The following SLC41A2 variants were observed in gnomAD, a reference collection of about 807,000 sequenced individuals.
SLC41A2 encodes the protein solute carrier family 41 member 2.
Under a neutral mutation model 58.3 loss-of-function variants are expected in SLC41A2, and 32 were observed. That is an observed-to-expected ratio of 0.55 (90% confidence interval 0.41 to 0.74). SLC41A2 has a LOEUF of 0.74. Ranked by LOEUF, SLC41A2 falls within the 30% of genes least tolerant of loss-of-function variation. The pLI is 0.00. For missense variants in SLC41A2, 514 were observed against 680.6 expected (o/e 0.76, Z 2.72); for synonymous variants, 190 against 235.0 (o/e 0.81, Z 1.75).
chr12:104,942,948 T>C (rs1016151300), intron 1 of SLC41A2, among the ~76,000 whole-genome samples: 1 of 152,198 alleles, frequency 6.6e-6, no homozygotes, highest in African/African-American at 2.4e-5. Context: ...TGAGTAGAAA[T>C]TGTTATTCAG....
intron 8 of SLC41A2, among the ~76,000 whole-genome samples, chr12:104,857,030 A>C (rs2043044141): frequency 6.6e-6 from 1 of 152,102 alleles, no homozygotes; most frequent in Non-Finnish European, 1.5e-5. Flanking sequence ...TAATAACAAT[A>C]TATTACAGGA....
Position 104,804,965 on chromosome 12 carries a change from A to G in SLC41A2, c.*187T>C. The G allele has an allele frequency of 2.0e-6, 1 of 511,164 alleles. No individual in the cohort carries two copies. Among genetic ancestry groups the G allele is most frequent in the Non-Finnish European group, 3.5e-6 (1 of 287,420 alleles). The allele number at this position is 511,164 out of a possible 1,614,324, so 31.7% of individuals were successfully genotyped here. A position where few individuals can be genotyped will look rare whatever the true frequency, so the allele number is the denominator to read the frequency against. The stretch of plus-strand genomic sequence containing the variant: ...ATTTATTCTATGAAAAGCAGCACGA[A>G]TACTCTTCATTCTGGTTTTGACACA... On this transcript the variant is annotated 3_prime_UTR_variant, in exon 11 of 11. Coordinates refer to ENST00000258538, the MANE Select transcript of SLC41A2 (RefSeq NM_001352171.3).
chr12:104,944,237 A>G (rs2047623880), intron 1 of SLC41A2, among the ~76,000 whole-genome samples: 1 of 152,172 alleles, frequency 6.6e-6, no homozygotes, highest in Admixed American at 6.5e-5. Flanking sequence ...TCTGCCATGA[A>G]CTGGTGGCAC....
chr12:104,923,467 A>C (rs1354043567), intron 2 of SLC41A2, among the ~76,000 whole-genome samples: 4 of 152,016 alleles, frequency 2.6e-5, no homozygotes, highest in African/African-American at 9.6e-5. Flanking sequence ...GTAGAAGAAA[A>C]GAAATTAAAT....
intron 10 of SLC41A2, among the ~76,000 whole-genome samples, chr12:104,843,681 C>A (rs1032733222): frequency 3.4e-4 from 52 of 151,996 alleles, no homozygotes; most frequent in Admixed American, 2.3e-3. Flanking sequence ...TAAGCAAACA[C>A]AAAAATAGAA....
chr12:104,844,446 AG>A, intron 10 of SLC41A2, 25 bp downstream of exon 10: 1 of 1,369,930 alleles, frequency 7.3e-7, no homozygotes, highest in Non-Finnish European at 9.6e-7. Context: ...AGCATAAAAG[AG>A]ATTTCAAGAA....
intron 8 of SLC41A2, among the ~76,000 whole-genome samples, chr12:104,849,232 ACAT>A: frequency 6.6e-6 from 1 of 152,262 alleles, no homozygotes; most frequent in Non-Finnish European, 1.5e-5. Flanking sequence ...TCATCAAAAG[ACAT>A]CATGGAGAAA....
chr12:104,909,509 G>A (rs1482865996), intron 3 of SLC41A2, 146 bp downstream of exon 3: 3 of 574,632 alleles, frequency 5.2e-6, no homozygotes, highest in Non-Finnish European at 9.1e-6. Flanking sequence ...CAATATTTCA[G>A]AATATGATAT....
intron 2 of SLC41A2, among the ~76,000 whole-genome samples, chr12:104,926,978 A>G (rs1429950460): frequency 6.6e-6 from 1 of 152,102 alleles, no homozygotes; most frequent in East Asian, 1.9e-4. Flanking sequence ...CAGCCACTCA[A>G]GAGGCTGAGG....
rs1565842745 is a variant in SLC41A2, at chr12:104,853,926, T to TTTTTTATTTTTA, written c.1255+7364_1255+7365insTAAAAATAAAAA. Among the ~76,000 whole-genome samples the TTTTTTATTTTTA allele has an allele frequency of 2.7e-3, 316 of 118,928 alleles. 6 individuals are homozygous for TTTTTTATTTTTA. Among genetic ancestry groups the TTTTTTATTTTTA allele is most frequent in the African/African-American group, 9.3e-3 (302 of 32,576 alleles). The allele number at this position is 118,928 out of a possible 152,430, so 78.0% of individuals were successfully genotyped here. ...TGCCTGGCTGATTTTTTTTTTTTTTTTTTTTTTTTTTTTAGTAGAACTGAG... is the reference window on the plus strand; with the variant it reads ...TGCCTGGCTGATTTTTTTTTTTTTTTTTTTTATTTTTATTTTTTTTTTTTTAGTAGAACTGAG... On this transcript the variant is annotated intron_variant, in intron 8 of 10. Transcript: ENST00000258538.
chr12:104,820,331 T>C (rs893213454), intron 10 of SLC41A2, among the ~76,000 whole-genome samples: 2 of 152,198 alleles, frequency 1.3e-5, no homozygotes, highest in Admixed American at 6.5e-5. Flanking sequence ...GGCATGGCGG[T>C]GCACACCTGT....
At chr12:104,921,315 T>G (rs1004332599) in intron 2 of SLC41A2, among the ~76,000 whole-genome samples, 1 of 151,862 alleles carries the variant, frequency 6.6e-6, no homozygotes, top group African/African-American at 2.4e-5. Flanking sequence ...CAAATAAGAC[T>G]ACCCCAAGGC....
chr12:104,817,090 G>A (rs116414471), intron 10 of SLC41A2, among the ~76,000 whole-genome samples: 2,193 of 152,326 alleles, frequency 0.014, 49 homozygotes, highest in African/African-American at 0.049. Flanking sequence ...ATATGGTACA[G>A]CCTGTTGTTC....
At chr12:104,872,052 G>A (rs1478533880) in intron 6 of SLC41A2, among the ~76,000 whole-genome samples, 1 of 151,936 alleles carries the variant, frequency 6.6e-6, no homozygotes, top group Non-Finnish European at 1.5e-5. Context: ...ATGGGAAGAA[G>A]AGGATGAACT....
chr12:104,878,907 G>T (rs890129317), intron 6 of SLC41A2, among the ~76,000 whole-genome samples: 2 of 152,168 alleles, frequency 1.3e-5, no homozygotes, highest in Non-Finnish European at 2.9e-5. Flanking sequence ...CACAATGGTT[G>T]AACTAGTTTA....
At chr12:104,879,068 G>C (rs919830029) in intron 6 of SLC41A2, among the ~76,000 whole-genome samples, 8 of 152,232 alleles carry the variant, frequency 5.3e-5, no homozygotes, top group African/African-American at 1.2e-4. Flanking sequence ...GGCCAGTGAT[G>C]ATGAGCATTT....
At chr12:104,916,868 A>C (rs2135816459) in intron 2 of SLC41A2, among the ~76,000 whole-genome samples, 1 of 151,790 alleles carries the variant, frequency 6.6e-6, no homozygotes, top group South Asian at 2.1e-4. Flanking sequence ...AACCATAAAA[A>C]CCCTAGAAGA....
intron 1 of SLC41A2, among the ~76,000 whole-genome samples, chr12:104,928,927 T>C (rs533801877): frequency 7.2e-5 from 11 of 152,322 alleles, no homozygotes; most frequent in African/African-American, 2.6e-4. Flanking sequence ...TAAAAGTATT[T>C]CTTATCTTTG....
chr12:104,805,186 A>G lies in SLC41A2; in HGVS notation c.1688T>C (p.Leu563Pro). The stretch of plus-strand genomic sequence containing the variant: ...AACATCTCCATCTCGATCTCCAATA[A>G]GCCAAAGAAAATGAAAACTTAAGGC... ...LLALSFHFLW[L>P]IGDRDGDVGD The change falls in exon 11 of 11, where the codon CTT (leucine) becomes CCT (proline). Residue 563 changes from leucine (L) to proline (P), a missense_variant. Leu to Pro is a moderately conservative substitution (Grantham distance 98). Transcript: ENST00000258538. The G allele has an allele frequency of 6.2e-7, 1 of 1,612,964 alleles. No individual in the cohort carries two copies. The highest frequency in any genetic ancestry group is 1.1e-5 in the South Asian group (1 of 90,884).
Sources: allele counts gnomAD v4.1 joint callset (sites outside exome capture counted in the v4.1 genomes callset), GRCh38; gene constraint gnomAD v4.1.1; transcripts MANE v1.5; gene names NCBI Gene and HGNC (gene_info 2026-07-23, HGNC 2026-07-21).